TMEM131L: variants seen among roughly 807,000 people sequenced by gnomAD.
TMEM131L encodes transmembrane 131 like, also known as transmembrane protein 131-like.
TMEM131L carries 54 observed loss-of-function variants against 192.2 expected under a neutral mutation model. That is an observed-to-expected ratio of 0.28 (90% CI 0.23 to 0.35). The LOEUF (loss-of-function observed/expected upper bound fraction) is 0.35, where lower values mean the gene tolerates loss of function less well. Ranked by LOEUF, TMEM131L falls within the 10% of genes least tolerant of loss-of-function variation. The probability of loss-of-function intolerance (pLI) is 1.00; values close to 1 mark genes in which losing one functional copy is unlikely to be tolerated. For synonymous variants in TMEM131L, 701 were observed against 704.9 expected (o/e 0.99, Z 0.09); for missense variants, 1,888 against 1,972.9 (o/e 0.96, Z 0.82).
At chr4:153,540,059 T>C (rs944195979) in intron 3 of TMEM131L, among the ~76,000 whole-genome samples, 1 of 151,774 alleles carries the variant, frequency 6.6e-6, no homozygotes. Flanking sequence ...TGCAGTGAGC[T>C]GAGATCGCGC....
chr4:153,634,236 C>T lies in TMEM131L; in HGVS notation c.4373C>T (p.Ala1458Val), dbSNP rs1307518015. ...SATCEGQFSS[A>V]YCPLELNDYN... ...ACATGCGAAGGCCAGTTTTCCAGCG[C>T]ATACTGTCCATTGGAATTGAACGAT... Residue 1458 changes from alanine to valine, a missense_variant, in exon 33 of 35, where the codon GCA becomes GTA. Ala to Val is a moderately conservative substitution (Grantham distance 64, BLOSUM62 0). Coordinates refer to ENST00000409959, the MANE Select transcript of TMEM131L (RefSeq NM_001131007.2). 1 of 1,614,152 alleles carries T rather than the reference C, an allele frequency of 6.2e-7. No individual in the cohort carries two copies.
intron 3 of TMEM131L, among the ~76,000 whole-genome samples, chr4:153,509,042 A>C (rs1258842472): frequency 2.0e-5 from 3 of 152,078 alleles, no homozygotes; most frequent in Non-Finnish European, 4.4e-5. Flanking sequence ...TTTAATTGTA[A>C]ATAACACATC....
At chr4:153,484,493 G>A (rs1732167648) in intron 3 of TMEM131L, among the ~76,000 whole-genome samples, 1 of 150,322 alleles carries the variant, frequency 6.7e-6, no homozygotes, top group East Asian at 2.0e-4. Context: ...TTTTGAGACA[G>A]AGTCTCGCTC....
chr4:153,590,629 G>A (rs1317203381), intron 16 of TMEM131L, among the ~76,000 whole-genome samples: 1 of 151,896 alleles, frequency 6.6e-6, no homozygotes, highest in African/African-American at 2.4e-5. Flanking sequence ...GCAAAATGAT[G>A]TTTCTGATTA....
intron 13 of TMEM131L, 101 bp from the exon 14 acceptor site, chr4:153,586,108 A>G: frequency 2.4e-6 from 2 of 842,338 alleles, no homozygotes; most frequent in South Asian, 2.6e-5. Context: ...GTAAAATCAT[A>G]CTTTCTGAAG....
chr4:153,603,535 A>G, intron 24 of TMEM131L, 83 bp downstream of exon 24: 1 of 1,433,438 alleles, frequency 7.0e-7, no homozygotes, highest in Non-Finnish European at 9.4e-7. Context: ...TTTTAAGTAA[A>G]CATAAATTTT....
chr4:153,483,946 A>G (rs1173144247), intron 3 of TMEM131L, among the ~76,000 whole-genome samples: 2 of 152,176 alleles, frequency 1.3e-5, no homozygotes, highest in African/African-American at 2.4e-5. Context: ...GGATCCCAAC[A>G]TCGGCAGCAG....
At chr4:153,515,178 T>C (rs942741393) in intron 3 of TMEM131L, among the ~76,000 whole-genome samples, 5 of 152,244 alleles carry the variant, frequency 3.3e-5, no homozygotes, top group African/African-American at 4.8e-5. Context: ...CAACTATCAC[T>C]GCTATCGAAT....
chr4:153,528,844 C>T (rs1245647354), intron 3 of TMEM131L, among the ~76,000 whole-genome samples: 1 of 152,132 alleles, frequency 6.6e-6, no homozygotes, highest in Non-Finnish European at 1.5e-5. Context: ...GACTTTGAAA[C>T]TCAAGAGAAA....
At chr4:153,492,141 A>C (rs531924858) in intron 3 of TMEM131L, among the ~76,000 whole-genome samples, 1 of 151,584 alleles carries the variant, frequency 6.6e-6, no homozygotes, top group Non-Finnish European at 1.5e-5. Flanking sequence ...AGTGGGGACT[A>C]TTGGTCCATG....
chr4:153,603,835 C>T lies in TMEM131L; in HGVS notation c.2823C>T (p.Gly941=). 1 of 1,606,580 alleles carries T rather than the reference C, an allele frequency of 6.2e-7. No individual in the cohort carries two copies. The highest frequency in any genetic ancestry group is 8.5e-7 in the Non-Finnish European group (1 of 1,177,736). ...GCAAGAACTTTCTCGATACATATGG[C>T]CCCTCTGATAAAGGCAGGGGGAAGA... ...SNCKNFLDTY[G]PSDKGRGKNC... Residue 941 remains glycine, a synonymous_variant, in exon 25 of 35, where the codon GGC becomes GGT. Transcript: ENST00000409959.
chr4:153,514,155 A>G (rs1370265430), intron 3 of TMEM131L, among the ~76,000 whole-genome samples: 2 of 152,296 alleles, frequency 1.3e-5, no homozygotes, highest in East Asian at 1.9e-4. Flanking sequence ...ACCGTAGCCA[A>G]TTAATCTTTG....
intron 18 of TMEM131L, among the ~76,000 whole-genome samples, chr4:153,593,486 T>TC (rs1731212176): frequency 6.6e-6 from 1 of 152,130 alleles, no homozygotes; most frequent in African/African-American, 2.4e-5. Flanking sequence ...ACTTTTTTTT[T>TC]CAAAAAAGTT....
chr4:153,627,532 C>T (rs1011798502), intron 30 of TMEM131L, 73 bp from the exon 31 acceptor site: 13 of 1,127,342 alleles, frequency 1.2e-5, no homozygotes, highest in African/African-American at 7.7e-5. Flanking sequence ...CTCAATCAGA[C>T]GTGGTTATAC....
At chr4:153,633,073 AC>A (rs1482382547) in intron 32 of TMEM131L, among the ~76,000 whole-genome samples, 3 of 152,000 alleles carry the variant, frequency 2.0e-5, no homozygotes, top group African/African-American at 7.2e-5. Context: ...TTTTTTAAAA[AC>A]GTCTTTAAAA....
At chr4:153,602,797 G>T in intron 23 of TMEM131L, 70 bp downstream of exon 23, 1 of 1,368,856 alleles carries the variant, frequency 7.3e-7, no homozygotes, top group South Asian at 1.2e-5. Flanking sequence ...GTGTGAAAAC[G>T]TGAACTGCCC....
At position 153,493,422 on chromosome 4, in the gene TMEM131L, A is replaced by T. The variant is rs539398154; in HGVS notation, c.239+19534A>T. Among the ~76,000 whole-genome samples, 21 of 148,862 alleles carry T rather than the reference A, an allele frequency of 1.4e-4. No homozygotes were observed. In the East Asian group the frequency reaches 4.0e-3, roughly 28 times the overall value. ...ACACCTGTAATCCCAGCACTTTGGG[A>T]GGCCAAGGCGGGTGGATCACAAGGT... is the stretch of plus-strand genomic sequence containing the variant. On this transcript the variant is annotated intron_variant, in intron 3 of 34. Transcript: ENST00000409959.
chr4:153,594,017 G>A (rs978709389), intron 19 of TMEM131L, 146 bp downstream of exon 19: 4 of 625,778 alleles, frequency 6.4e-6, no homozygotes, highest in Non-Finnish European at 1.1e-5. Context: ...ACGATACATA[G>A]CAGATTTTTC....
Position 153,636,687 on chromosome 4 carries a change from T to C in TMEM131L, c.*111T>C. On this transcript the variant is annotated 3_prime_UTR_variant, in exon 35 of 35. Coordinates refer to ENST00000409959, the MANE Select transcript of TMEM131L (RefSeq NM_001131007.2). ...ATTGGTGGATATTTTGGCACTTTTA[T>C]ATGAAAATAAATTTTTTAATGAAAT... 2 of 1,085,528 alleles carry C rather than the reference T, an allele frequency of 1.8e-6. No individual in the cohort carries two copies. The allele number at this position is 1,085,528 out of a possible 1,614,324, so 67.2% of individuals were successfully genotyped here. A position where few individuals can be genotyped will look rare whatever the true frequency, so the allele number is the denominator to read the frequency against.
Sources: allele counts gnomAD v4.1 joint callset (sites outside exome capture counted in the v4.1 genomes callset), GRCh38; gene constraint gnomAD v4.1.1; transcripts MANE v1.5; gene names NCBI Gene and HGNC (gene_info 2026-07-23, HGNC 2026-07-21).